MCF2L2: variants seen among roughly 807,000 people sequenced by gnomAD.
The protein encoded by MCF2L2 is probable guanine nucleotide exchange factor MCF2L2.
A neutral mutation model predicts 150.2 loss-of-function variants in MCF2L2; 102 were observed. The observed-to-expected ratio is 0.68, with a 90% CI of 0.58 to 0.80. The LOEUF is 0.80. MCF2L2 is among the 30% of genes least tolerant of loss of function. MCF2L2 has a pLI of 0.00. For missense variants in MCF2L2, 1,256 were observed against 1,372.8 expected, an observed-to-expected ratio of 0.91 and a Z score of 1.34; for synonymous variants, 465 against 491.3, an observed-to-expected ratio of 0.95 and a Z score of 0.71.
chr3:183,336,569 C>T (rs1404027417), intron 5 of MCF2L2, among the ~76,000 whole-genome samples: 4 of 151,514 alleles, frequency 2.6e-5, no homozygotes, highest in African/African-American at 7.3e-5. Context: ...GGAACCTAGC[C>T]GGGCGTGGTG....
intron 9 of MCF2L2, among the ~76,000 whole-genome samples, chr3:183,310,181 G>A (rs1729297253): frequency 6.6e-6 from 1 of 151,166 alleles, no homozygotes; most frequent in Admixed American, 6.6e-5. Context: ...GGCAACATAG[G>A]GAGACCTCGT....
Position 183,179,930 on chromosome 3 carries a change from C to T in MCF2L2, c.3105+141G>A. Reference sequence around the variant, plus strand: ...AGCCAGTTTGAGGGTCTGGTGACCTCGGCTCCCTGGCTTAACCAGGTCCTT... The same window carrying T: ...AGCCAGTTTGAGGGTCTGGTGACCTTGGCTCCCTGGCTTAACCAGGTCCTT... On this transcript the variant is annotated intron_variant, in intron 28 of 29. Coordinates refer to ENST00000328913, the MANE Select transcript of MCF2L2 (RefSeq NM_015078.4). This position sits in a 1 kb window ranked among gnomAD's most constrained non-coding sequence, Gnocchi z 4.2. The T allele has an allele frequency of 1.3e-6, 1 of 788,136 alleles. No individual in the cohort carries two copies. Among genetic ancestry groups the T allele is most frequent in the East Asian group, 2.4e-5 (1 of 40,918 alleles). The allele number at this position is 788,136 out of a possible 1,614,324, so 48.8% of individuals were successfully genotyped here.
intron 25 of MCF2L2, among the ~76,000 whole-genome samples, chr3:183,196,670 T>C (rs1722092640): frequency 6.6e-6 from 1 of 152,176 alleles, no homozygotes; most frequent in Non-Finnish European, 1.5e-5. Flanking sequence ...AGAGCCTACT[T>C]GGTGCACCAG....
At chr3:183,262,802 G>A (rs1264780644) in intron 15 of MCF2L2, among the ~76,000 whole-genome samples, 1 of 152,116 alleles carries the variant, frequency 6.6e-6, no homozygotes, top group South Asian at 2.1e-4. Context: ...ACAAGTTCAG[G>A]AACAGTCACG....
intron 19 of MCF2L2, among the ~76,000 whole-genome samples, chr3:183,223,665 G>A (rs539484807): frequency 2.0e-5 from 3 of 152,294 alleles, no homozygotes; most frequent in East Asian, 1.9e-4. Flanking sequence ...CAGGCATCTA[G>A]GGAAGCAGAA....
chr3:183,391,273 T>C (rs1306309019), intron 1 of MCF2L2, among the ~76,000 whole-genome samples: 1 of 151,932 alleles, frequency 6.6e-6, no homozygotes, highest in Non-Finnish European at 1.5e-5. Flanking sequence ...TTTTTTGTTT[T>C]TTTCTGAAAG....
intron 16 of MCF2L2, among the ~76,000 whole-genome samples, 186 bp downstream of exon 16, chr3:183,230,765 T>G (rs1723520560): frequency 6.6e-6 from 1 of 152,216 alleles, no homozygotes; most frequent in South Asian, 2.1e-4. Flanking sequence ...GGAAACTATT[T>G]GGCTACATGG....
intron 15 of MCF2L2, among the ~76,000 whole-genome samples, chr3:183,238,084 G>C (rs541094159): frequency 4.6e-5 from 7 of 150,950 alleles, no homozygotes; most frequent in Non-Finnish European, 8.8e-5. Context: ...TATAATTTCT[G>C]TTCTTTTACA....
intron 18 of MCF2L2, 137 bp from the exon 19 acceptor site, chr3:183,224,327 C>A: frequency 1.6e-6 from 1 of 615,412 alleles, no homozygotes; most frequent in Non-Finnish European, 2.9e-6. Flanking sequence ...AGTAAGTAAT[C>A]TTATGTTGGG....
chr3:183,308,655 T>C (rs372045051), intron 10 of MCF2L2, among the ~76,000 whole-genome samples: 2 of 152,104 alleles, frequency 1.3e-5, no homozygotes, highest in East Asian at 1.9e-4. Flanking sequence ...GCTCTTAGAG[T>C]CAGTGTGGCC....
At chr3:183,272,088 A>T in intron 15 of MCF2L2, 1 of 895,562 alleles carries the variant, frequency 1.1e-6, no homozygotes, top group South Asian at 5.2e-5. Flanking sequence ...AATATTTCAA[A>T]CTTGAAAACA....
At chr3:183,328,423 A>C (rs1024919021) in intron 5 of MCF2L2, among the ~76,000 whole-genome samples, 1 of 151,988 alleles carries the variant, frequency 6.6e-6, no homozygotes, top group Non-Finnish European at 1.5e-5. Context: ...TGAGGGACTG[A>C]GCCCTCAACT....
In MCF2L2 at chr3:183,311,032, T is replaced by G; in HGVS notation, c.879-3A>C. 1 of 1,576,964 alleles carries G rather than the reference T, an allele frequency of 6.3e-7. No individual in the cohort carries two copies. Among genetic ancestry groups the G allele is most frequent in the South Asian group, 1.1e-5 (1 of 90,250 alleles). ...TTTCATCCAGTTGAACTAATAACCT[T>G]TCAAGAAAGAATGAGAAAGTGATGT... On this transcript the variant is annotated splice_region_variant and splice_polypyrimidine_tract_variant and intron_variant, in intron 8 of 29. Transcript: ENST00000328913.
At position 183,230,960 on chromosome 3, in the gene MCF2L2, G is replaced by T; in HGVS notation, c.1920C>A (p.Ser640Arg). 1 of 1,612,720 alleles carries T rather than the reference G, an allele frequency of 6.2e-7. No individual in the cohort carries two copies. The highest frequency in any genetic ancestry group is 8.5e-7 in the Non-Finnish European group (1 of 1,178,854). Reference protein sequence around the residue: ...TEEIYIKEIKSIIDGYITPMD... With the variant: ...TEEIYIKEIKRIIDGYITPMD... ...CCCCAAATCTACTTACATCAATTAT[G>T]CTTTTAATCTCTTTTATGTAAATCT... The change falls in exon 16 of 30, where the codon AGC (serine) becomes AGA (arginine). Residue 640 changes from serine (S) to arginine (R), a missense_variant. By Grantham distance (110) the Ser-to-Arg change is moderately radical. Coordinates refer to ENST00000328913, the MANE Select transcript of MCF2L2 (RefSeq NM_015078.4).
chr3:183,375,160 A>G (rs1351391508), intron 3 of MCF2L2: 1 of 152,250 alleles, frequency 6.6e-6, no homozygotes, highest in East Asian at 1.9e-4. Context: ...GTTTTGTCAC[A>G]CTGTCTGCCC....
intron 23 of MCF2L2, among the ~76,000 whole-genome samples, chr3:183,207,028 A>T (rs1722518547): frequency 6.6e-6 from 1 of 151,640 alleles, no homozygotes; most frequent in African/African-American, 2.4e-5. Context: ...GAAGGGGAGA[A>T]AGAAAACAAA....
chr3:183,276,883 A>G lies in MCF2L2; in HGVS notation c.1851T>C (p.Leu617=), dbSNP rs1240391574. The G allele has an allele frequency of 1.2e-5, 20 of 1,608,854 alleles. No individual in the cohort carries two copies. In the Middle Eastern group the frequency reaches 5.0e-4, roughly 40 times the overall value. The part of the protein sequence containing the change: ...ELEQQARLGD[L]SPRRRIIRDL... ...ATGTGCAGTCTTACCTGCGGGGGGAAAGGTCTCCGAGCCTGGCCTGCTGCT... is the reference window on the plus strand; with the variant it reads ...ATGTGCAGTCTTACCTGCGGGGGGAGAGGTCTCCGAGCCTGGCCTGCTGCT... The change falls in exon 15 of 30, where the codon CTT becomes CTC. Residue 617 remains leucine (L), a synonymous_variant. Transcript: ENST00000328913.
intron 15 of MCF2L2, chr3:183,253,942 G>A (rs1724759030): frequency 6.6e-6 from 1 of 152,140 alleles, no homozygotes; most frequent in African/African-American, 2.4e-5. Context: ...GGAAAGTTCT[G>A]GCCGCTCGGC....
chr3:183,212,429 C>A (rs953554684), intron 22 of MCF2L2, among the ~76,000 whole-genome samples: 1 of 152,096 alleles, frequency 6.6e-6, no homozygotes, highest in Non-Finnish European at 1.5e-5. Flanking sequence ...CTCAAATGAG[C>A]GAGCGATAAG....
Sources: allele counts gnomAD v4.1 joint callset (sites outside exome capture counted in the v4.1 genomes callset), GRCh38; gene constraint gnomAD v4.1.1; non-coding constraint Gnocchi (gnomAD v3.1); transcripts MANE v1.5; gene names NCBI Gene and HGNC (gene_info 2026-07-23, HGNC 2026-07-21).